Variants in CDH13 observed in about 807,000 individuals in gnomAD.
CDH13 encodes the protein cadherin-13.
CDH13 carries 24 observed loss-of-function variants against 63.8 expected under a neutral mutation model. The ratio of observed to expected loss-of-function variants is 0.38; its 90% confidence interval spans 0.27 to 0.53. The LOEUF is 0.53. Among genes scored for constraint, CDH13 ranks in the 20% least tolerant of loss-of-function variants. The pLI, the probability that CDH13 is intolerant of heterozygous loss-of-function variation, is 0.85. For missense variants in CDH13, 1,049 were observed against 903.1 expected, an observed-to-expected ratio of 1.16 and a Z score of -2.07; for synonymous variants, 503 against 355.3, an observed-to-expected ratio of 1.42 and a Z score of -4.67.
intron 10 of CDH13, among the ~76,000 whole-genome samples, chr16:83,720,892 A>G (rs1198537744): frequency 6.6e-6 from 1 of 152,214 alleles, no homozygotes; most frequent in Non-Finnish European, 1.5e-5. Context: ...GGAGTGGGTT[A>G]TAACTGTGCC....
chr16:83,617,113 C>T (rs1409974134), intron 8 of CDH13, among the ~76,000 whole-genome samples: 1 of 152,160 alleles, frequency 6.6e-6, no homozygotes, highest in African/African-American at 2.4e-5. Context: ...ACTCACAACC[C>T]CTCTCCCTAA....
intron 1 of CDH13, among the ~76,000 whole-genome samples, chr16:82,772,814 A>G (rs562980856): frequency 6.6e-5 from 10 of 152,328 alleles, no homozygotes; most frequent in Non-Finnish European, 8.8e-5. Flanking sequence ...AACCCATTCA[A>G]TCTGACTCCA....
chr16:82,656,996 G>A (rs571260534), intron 1 of CDH13, among the ~76,000 whole-genome samples: 1 of 150,350 alleles, frequency 6.7e-6, no homozygotes, highest in East Asian at 2.0e-4. Flanking sequence ...ACCTACTTAA[G>A]GATATCTTGG....
At chr16:82,935,188 T>C (rs1342080861) in intron 2 of CDH13, among the ~76,000 whole-genome samples, 1 of 152,136 alleles carries the variant, frequency 6.6e-6, no homozygotes. Flanking sequence ...AGCAAATACG[T>C]TCATCTTCAC....
intron 4 of CDH13, among the ~76,000 whole-genome samples, chr16:83,146,023 A>T (rs1277298394): frequency 6.6e-6 from 1 of 152,038 alleles, no homozygotes; most frequent in Non-Finnish European, 1.5e-5. Flanking sequence ...GTGAAACCCC[A>T]TCTCTGCTAA....
intron 5 of CDH13, 108 bp from the exon 6 acceptor site, chr16:83,344,754 A>G: frequency 4.2e-6 from 5 of 1,199,586 alleles, no homozygotes; most frequent in Non-Finnish European, 6.0e-6. Context: ...CAATATTGCC[A>G]AGGGCTCATA....
chr16:83,731,018 T>C (rs1268332124), intron 10 of CDH13, among the ~76,000 whole-genome samples: 1 of 152,238 alleles, frequency 6.6e-6, no homozygotes, highest in Non-Finnish European at 1.5e-5. Flanking sequence ...AGCTGCATAG[T>C]ATTCCATGGT....
At chr16:82,911,358 A>T (rs1367737494) in intron 2 of CDH13, among the ~76,000 whole-genome samples, 1 of 152,124 alleles carries the variant, frequency 6.6e-6, no homozygotes, top group Non-Finnish European at 1.5e-5. Context: ...CCTTTTCATC[A>T]TGCCTCTCCC....
chr16:83,628,138 A>C (rs1017203930), intron 8 of CDH13, among the ~76,000 whole-genome samples: 1 of 151,888 alleles, frequency 6.6e-6, no homozygotes, highest in Non-Finnish European at 1.5e-5. Context: ...TCCTGTGCCA[A>C]CCTCCCATCT....
At chr16:83,322,586 A>G (rs1318254628) in intron 5 of CDH13, among the ~76,000 whole-genome samples, 1 of 152,162 alleles carries the variant, frequency 6.6e-6, no homozygotes, top group Non-Finnish European at 1.5e-5. Flanking sequence ...GTGCAGCAGT[A>G]TATACCTGCA....
intron 7 of CDH13, among the ~76,000 whole-genome samples, chr16:83,554,902 A>G (rs558317126): frequency 2.0e-5 from 3 of 149,772 alleles, no homozygotes; most frequent in East Asian, 4.0e-4. Flanking sequence ...TCCCATTGCA[A>G]TGCCCTACTG....
At chr16:82,627,938 G>T (rs1907542672) in intron 1 of CDH13, among the ~76,000 whole-genome samples, 1 of 152,244 alleles carries the variant, frequency 6.6e-6, no homozygotes, top group Non-Finnish European at 1.5e-5. Context: ...TTCAAGCCTT[G>T]CCCACCCGGG....
chr16:82,683,821 T>C (rs1914794709), intron 1 of CDH13, among the ~76,000 whole-genome samples: 1 of 152,212 alleles, frequency 6.6e-6, no homozygotes, highest in South Asian at 2.1e-4. Flanking sequence ...TATTTTTGCT[T>C]TCTGGTGATG....
chr16:83,748,439 A>G (rs1455068868), intron 11 of CDH13, among the ~76,000 whole-genome samples, 189 bp downstream of exon 11: 3 of 152,176 alleles, frequency 2.0e-5, no homozygotes, highest in African/African-American at 7.2e-5. Context: ...GAATCCTCAG[A>G]TCTTTTTGGA....
intron 7 of CDH13, among the ~76,000 whole-genome samples, chr16:83,496,185 A>G (rs2074138796): frequency 1.3e-5 from 2 of 152,110 alleles, no homozygotes; most frequent in Non-Finnish European, 2.9e-5. Context: ...GAACCAAAAA[A>G]GAGCCCGCAT....
intron 9 of CDH13, 45 bp downstream of exon 9, chr16:83,671,017 AG>A (rs772051061): frequency 8.1e-6 from 12 of 1,486,664 alleles, no homozygotes; most frequent in Admixed American, 2.1e-5. Context: ...GCGAGCACGG[AG>A]GGCCCCATGA....
At chr16:83,007,530 G>C (rs149256237) in intron 2 of CDH13, among the ~76,000 whole-genome samples, 1 of 151,952 alleles carries the variant, frequency 6.6e-6, no homozygotes, top group Admixed American at 6.6e-5. Flanking sequence ...AAAATACCTC[G>C]TAAGAAAAAT....
intron 5 of CDH13, among the ~76,000 whole-genome samples, chr16:83,314,915 T>C (rs951756378): frequency 6.6e-6 from 1 of 152,230 alleles, no homozygotes; most frequent in Non-Finnish European, 1.5e-5. Flanking sequence ...GCCTTTGCCT[T>C]CCTGTCTTCA....
intron 6 of CDH13, among the ~76,000 whole-genome samples, chr16:83,428,102 A>G (rs544372097): frequency 6.6e-6 from 1 of 152,342 alleles, no homozygotes; most frequent in Non-Finnish European, 1.5e-5. Context: ...AGTTGGGGCG[A>G]AAGCTCCACT....
Sources: allele counts gnomAD v4.1 joint callset (sites outside exome capture counted in the v4.1 genomes callset), GRCh38; gene constraint gnomAD v4.1.1; transcripts MANE v1.5; gene names NCBI Gene and HGNC (gene_info 2026-07-23, HGNC 2026-07-21).